HEATR5A: variants seen among roughly 807,000 people sequenced by gnomAD.
The protein encoded by HEATR5A is HEAT repeat-containing protein 5A.
A neutral mutation model predicts 218.8 loss-of-function variants in HEATR5A; 178 were observed. That is an observed-to-expected ratio of 0.81 (90% CI 0.72 to 0.92). HEATR5A has a LOEUF of 0.92. HEATR5A is among the 40% of genes least tolerant of loss of function. The pLI, the probability that HEATR5A is intolerant of heterozygous loss-of-function variation, is 0.00. For missense variants in HEATR5A, 2,420 were observed against 2,418.9 expected (o/e 1.00, Z -0.01); for synonymous variants, 864 against 871.6 (o/e 0.99, Z 0.15).
At position 31,398,718 on chromosome 14, in the gene HEATR5A, A is replaced by G. The variant is rs565051270; in HGVS notation, c.402T>C (p.Phe134=). ...KKLGRILGNT[F]TDTVGNILKA... ...TAAGAATATTCCCCACTGTATCAGT[A>G]AAGGTGTTACCCAGTATTCTACCCA... Residue 134 remains phenylalanine (F), a synonymous_variant, in exon 4 of 36, where the codon TTT becomes TTC. Coordinates refer to ENST00000543095, the MANE Select transcript of HEATR5A (RefSeq NM_015473.4). 2 of 1,532,806 alleles carry G rather than the reference A, an allele frequency of 1.3e-6. No individual in the cohort carries two copies. The highest frequency in any genetic ancestry group is 1.4e-5 in the African/African-American group (1 of 73,072). The allele number at this position is 1,532,806 out of a possible 1,614,324, so 95.0% of individuals were successfully genotyped here.
At chr14:31,307,741 T>C (rs557298376) in intron 30 of HEATR5A, among the ~76,000 whole-genome samples, 152 bp downstream of exon 30, 104 of 152,342 alleles carry the variant, frequency 6.8e-4, no homozygotes, top group African/African-American at 2.4e-3. Flanking sequence ...CATATGCTTA[T>C]GGCATTCTGG....
In HEATR5A at chr14:31,293,557, TTCA is replaced by T; in HGVS notation, c.5886_5888del (p.Asp1962del). ...TGGAAGTTGCTGATCCCAGAGAATT[TTCA>T]TCCAAAAGGAAGGAAATGAGGATGG... On this transcript the variant is annotated inframe_deletion, in exon 36 of 36. Coordinates refer to ENST00000543095, the MANE Select transcript of HEATR5A (RefSeq NM_015473.4). 9 of 1,613,648 alleles carry T rather than the reference TTCA, an allele frequency of 5.6e-6. No individual in the cohort carries two copies. Among genetic ancestry groups the T allele is most frequent in the Non-Finnish European group, 7.6e-6 (9 of 1,179,810 alleles).
chr14:31,345,350 T>G, intron 19 of HEATR5A, 74 bp from the exon 20 acceptor site: 1 of 1,186,406 alleles, frequency 8.4e-7, no homozygotes, highest in Non-Finnish European at 1.2e-6. Flanking sequence ...AACTTGTTCT[T>G]TTGTTGAAGC....
In HEATR5A at chr14:31,309,080, G is replaced by C. The variant is rs61754157; in HGVS notation, c.4544C>G (p.Thr1515Arg). Residue 1515 changes from threonine (T) to arginine (R), a missense_variant, in exon 29 of 36, where the codon ACG becomes AGG. Thr to Arg is a moderately conservative substitution (Grantham distance 71). Transcript: ENST00000543095. Reference sequence around the variant, plus strand: ...ATCTGGGTCAGCAACAACAAAACCCGTGCTTGTAAGCCACAATGCTGTAGC... The same window carrying C: ...ATCTGGGTCAGCAACAACAAAACCCCTGCTTGTAAGCCACAATGCTGTAGC... ...LHATALWLTS[T>R]GFVVADPDEG... is the part of the protein sequence containing the mutation. The C allele has an allele frequency of 6.2e-7, 1 of 1,613,936 alleles. No individual in the cohort carries two copies. Among genetic ancestry groups the C allele is most frequent in the Non-Finnish European group, 8.5e-7 (1 of 1,179,886 alleles).
At chr14:31,364,076 C>A (rs1389098813) in intron 14 of HEATR5A, 113 bp downstream of exon 14, 4 of 542,898 alleles carry the variant, frequency 7.4e-6, no homozygotes, top group Admixed American at 3.5e-5. Flanking sequence ...AGAAACAAGG[C>A]ACTAAATAAC....
At chr14:31,345,000 A>T (rs980839815) in intron 20 of HEATR5A, 87 bp downstream of exon 20, 2 of 1,074,320 alleles carry the variant, frequency 1.9e-6, no homozygotes, top group African/African-American at 3.2e-5. Flanking sequence ...AGCACCTATC[A>T]CGTGCCAAGC....
rs1899050588 is a variant in HEATR5A, at chr14:31,292,159, C to T, written c.*1146G>A. On this transcript the variant is annotated 3_prime_UTR_variant, in exon 36 of 36. Transcript: ENST00000543095. ...TCCTGTTAAAAAAAATACTTGTATTCACCTGATGACCTAAATTTGTTGTAC... is the reference window on the plus strand; with the variant it reads ...TCCTGTTAAAAAAAATACTTGTATTTACCTGATGACCTAAATTTGTTGTAC... 1 of 152,086 alleles carries T rather than the reference C, an allele frequency of 6.6e-6. No homozygotes were observed. Among genetic ancestry groups the T allele is most frequent in the African/African-American group, 2.4e-5 (1 of 41,408 alleles). The allele number at this position is 152,086 out of a possible 1,614,324, so 9.4% of individuals were successfully genotyped here.
At chr14:31,419,106 G>A (rs1236546234) in intron 1 of HEATR5A, among the ~76,000 whole-genome samples, 1 of 152,070 alleles carries the variant, frequency 6.6e-6, no homozygotes, top group African/African-American at 2.4e-5. Flanking sequence ...ATAGTGGAGG[G>A]AACTTAAGCT....
intron 12 of HEATR5A, among the ~76,000 whole-genome samples, chr14:31,374,590 C>T (rs1595150689): frequency 6.6e-6 from 1 of 152,000 alleles, no homozygotes; most frequent in East Asian, 1.9e-4. Flanking sequence ...TGGATTGGAC[C>T]TAATAAAACA....
intron 14 of HEATR5A, among the ~76,000 whole-genome samples, chr14:31,363,166 G>C (rs554590766): frequency 9.2e-5 from 14 of 151,646 alleles, no homozygotes; most frequent in Non-Finnish European, 1.9e-4. Context: ...TTGAACACAG[G>C]AGGCAGAGGT....
intron 17 of HEATR5A, among the ~76,000 whole-genome samples, 166 bp from the exon 18 acceptor site, chr14:31,350,145 CA>C (rs1371119115): frequency 6.6e-6 from 1 of 152,100 alleles, no homozygotes; most frequent in African/African-American, 2.4e-5. Flanking sequence ...AATATAATTT[CA>C]TTTTTTTTTA....
chr14:31,318,391 G>A (rs1032419704), intron 25 of HEATR5A, 99 bp from the exon 26 acceptor site: 29 of 940,366 alleles, frequency 3.1e-5, no homozygotes, highest in African/African-American at 2.0e-4. Flanking sequence ...TTTATAACAG[G>A]TATTATGGAC....
intron 13 of HEATR5A, among the ~76,000 whole-genome samples, chr14:31,367,990 C>G (rs118173909): frequency 5.9e-5 from 9 of 152,070 alleles, no homozygotes; most frequent in Non-Finnish European, 1.0e-4. Context: ...AAAAACAAAA[C>G]GAAACTGAAT....
intron 16 of HEATR5A, among the ~76,000 whole-genome samples, chr14:31,353,294 TTAAC>T (rs1566765109): frequency 6.6e-6 from 1 of 152,214 alleles, no homozygotes; most frequent in African/African-American, 2.4e-5. Context: ...TCCCATCTTA[TTAAC>T]TATTATATGG....
At chr14:31,305,284 ACAGAGT>A (rs1159587285) in intron 31 of HEATR5A, 107 bp from the exon 32 acceptor site, 12 of 1,198,318 alleles carry the variant, frequency 1.0e-5, no homozygotes, top group Non-Finnish European at 9.3e-6. Flanking sequence ...TTTTTTTGAG[ACAGAGT>A]CTCGCTCTGT....
rs117638184 is a variant in HEATR5A, at chr14:31,338,855, G to A, written c.3229-1241C>T. The stretch of plus-strand genomic sequence containing the variant: ...AAGAGTGTCAGGTGTGGTGGCTTAC[G>A]TCTGTAACGCTAGCACTTTGGGAGG... On this transcript the variant is annotated intron_variant, in intron 21 of 35. Coordinates refer to ENST00000543095, the MANE Select transcript of HEATR5A (RefSeq NM_015473.4). Among the ~76,000 whole-genome samples, 460 of 152,152 alleles carry A rather than the reference G, an allele frequency of 3.0e-3. 13 individuals are homozygous for A. In the East Asian group the frequency reaches 0.064, roughly 21 times the overall value.
chr14:31,310,223 T>C (rs1175432300), intron 28 of HEATR5A, among the ~76,000 whole-genome samples: 1 of 151,984 alleles, frequency 6.6e-6, no homozygotes, highest in Non-Finnish European at 1.5e-5. Context: ...TTTGTGTAGA[T>C]GGGGTTTCAC....
At chr14:31,305,307 G>C in intron 31 of HEATR5A, 130 bp from the exon 32 acceptor site, 1 of 920,302 alleles carries the variant, frequency 1.1e-6, no homozygotes, top group East Asian at 2.6e-5. Context: ...CTGTCACACA[G>C]GCTGGAGTGC....
intron 31 of HEATR5A, among the ~76,000 whole-genome samples, chr14:31,305,753 T>C (rs977156755): frequency 1.3e-4 from 20 of 152,174 alleles, no homozygotes; most frequent in African/African-American, 4.8e-4. Flanking sequence ...ACCTGATAGC[T>C]AGAGCTCCAG....
Sources: gnomAD v4.1 joint callset for allele counts (sites outside exome capture counted in the v4.1 genomes callset) on GRCh38, gnomAD v4.1.1 for gene constraint, MANE v1.5 for transcripts, NCBI Gene and HGNC (gene_info 2026-07-23, HGNC 2026-07-21) for gene names.